Variants in RASSF3 observed in about 807,000 individuals in gnomAD.
The protein encoded by RASSF3 is Ras association domain family member 3.
RASSF3 carries 19 observed loss-of-function variants against 19.9 expected under a neutral mutation model. That is an observed-to-expected ratio of 0.96 (90% CI 0.67 to 1.40). The LOEUF is 1.40. Among genes scored for constraint, RASSF3 ranks in the 40% most tolerant of loss-of-function variants. RASSF3 has a pLI of 0.00. For missense variants in RASSF3, 306 were observed against 289.8 expected, an observed-to-expected ratio of 1.06 and a Z score of -0.41; for synonymous variants, 110 against 104.2, an observed-to-expected ratio of 1.06 and a Z score of -0.34.
intron 2 of RASSF3, among the ~76,000 whole-genome samples, chr12:64,557,231 G>A (rs1000675865): frequency 6.6e-6 from 1 of 152,112 alleles, no homozygotes; most frequent in African/African-American, 2.4e-5. Context: ...TCACTCCTAA[G>A]AGCCTGAGTT....
downstream of RASSF3, among the ~76,000 whole-genome samples, chr12:64,544,556 G>A (rs1241517432): frequency 3.3e-5 from 5 of 151,916 alleles, no homozygotes; most frequent in Non-Finnish European, 4.4e-5. Flanking sequence ...GGTTAAGGCT[G>A]CAGTGAGCTG....
intron 1 of RASSF3, among the ~76,000 whole-genome samples, chr12:64,646,634 T>G (rs1871744111): frequency 6.6e-6 from 1 of 152,204 alleles, no homozygotes; most frequent in African/African-American, 2.4e-5. Context: ...CTAATTATGC[T>G]TATGTTCTTC....
chr12:64,680,843 C>G (rs187927319), intron 1 of RASSF3, among the ~76,000 whole-genome samples: 367 of 152,208 alleles, frequency 2.4e-3, no homozygotes, highest in African/African-American at 8.2e-3. Flanking sequence ...AACTCCTGAT[C>G]TCAGGTGATC....
In RASSF3 at chr12:64,631,055, A is replaced by G. The variant is rs1349259570; in HGVS notation, c.111+20312A>G. On this transcript the variant is annotated intron_variant, in intron 1 of 4. Transcript: ENST00000542104. ...GAGAGCTTCAGGATTCGTTGAAGTC[A>G]TGGGCTTAGATGAACTATGTGTGTA... Among the ~76,000 whole-genome samples, 8 of 152,292 alleles carry G rather than the reference A, an allele frequency of 5.3e-5. 2 individuals carry two copies. The highest frequency in any genetic ancestry group is 5.2e-4 in the Admixed American group (8 of 15,294).
chr12:64,569,548 G>A (rs1869484476), intron 2 of RASSF3, among the ~76,000 whole-genome samples: 1 of 152,354 alleles, frequency 6.6e-6, no homozygotes, highest in Non-Finnish European at 1.5e-5. Context: ...GGTGACCAGA[G>A]GTGATTTTTA....
At chr12:64,523,650 A>G (rs952996651) in intron 1 of RASSF3, among the ~76,000 whole-genome samples, 1 of 152,016 alleles carries the variant, frequency 6.6e-6, no homozygotes, top group Non-Finnish European at 1.5e-5. Context: ...TCCTCCTGTA[A>G]CTGGAGGAAA....
chr12:64,629,961 C>CAAAAAAAAAAAAAAA (rs34700817), intron 1 of RASSF3: 6 of 59,308 alleles, frequency 1.0e-4, no homozygotes, highest in Non-Finnish European at 1.5e-4. Flanking sequence ...GACTCCATCT[C>CAAAAAAAAAAAAAAA]AAAAAAAAAA....
chr12:64,678,796 A>G (rs550446632), intron 1 of RASSF3, among the ~76,000 whole-genome samples: 150 of 152,258 alleles, frequency 9.9e-4, no homozygotes, highest in African/African-American at 3.3e-3. Context: ...TGGCACCAAT[A>G]GGCACTCAAT....
At chr12:64,641,785 C>T (rs972735032) in intron 1 of RASSF3, among the ~76,000 whole-genome samples, 3 of 151,854 alleles carry the variant, frequency 2.0e-5, no homozygotes, top group African/African-American at 7.3e-5. Context: ...CCTTGTTGCC[C>T]AGGCTAGAGT....
intron 2 of RASSF3, among the ~76,000 whole-genome samples, chr12:64,577,903 C>A (rs1341527942): frequency 6.6e-6 from 1 of 151,770 alleles, no homozygotes; most frequent in Non-Finnish European, 1.5e-5. Context: ...CTTCAAGGAA[C>A]TTACAGTAGG....
intron 1 of RASSF3, among the ~76,000 whole-genome samples, chr12:64,636,080 A>G (rs1431282846): frequency 6.6e-6 from 1 of 151,920 alleles, no homozygotes; most frequent in Non-Finnish European, 1.5e-5. Context: ...TCACAATTCC[A>G]AAGAAGTTGG....
chr12:64,646,902 A>G (rs1871754948), intron 1 of RASSF3, among the ~76,000 whole-genome samples: 1 of 152,182 alleles, frequency 6.6e-6, no homozygotes, highest in African/African-American at 2.4e-5. Context: ...TCCTTAGTTC[A>G]TTTACTTTCT....
At chr12:64,544,481 G>C (rs1006584618), downstream of RASSF3, among the ~76,000 whole-genome samples, 43 of 152,198 alleles carry the variant, frequency 2.8e-4, no homozygotes, top group Non-Finnish European at 1.0e-4. Flanking sequence ...TCCAGACACA[G>C]TGGTGCACGC....
intron 1 of RASSF3, among the ~76,000 whole-genome samples, chr12:64,535,995 C>CTTTTT (rs11312626): frequency 2.9e-5 from 3 of 104,500 alleles, no homozygotes; most frequent in Admixed American, 1.1e-4. Flanking sequence ...CCTGTTTTCA[C>CTTTTT]TTTTTTTTTT....
At chr12:64,646,112 ATTAT>A (rs146785420) in intron 1 of RASSF3, among the ~76,000 whole-genome samples, 9,804 of 152,270 alleles carry the variant, frequency 0.064, 375 homozygotes, top group Non-Finnish European at 0.09. Context: ...TGAATATATC[ATTAT>A]TTATCCATTC....
chr12:64,609,052 CG>C (rs1241248442), upstream of RASSF3, among the ~76,000 whole-genome samples: 1 of 152,060 alleles, frequency 6.6e-6, no homozygotes, highest in African/African-American at 2.4e-5. Context: ...TGTGTAAGCC[CG>C]AAGGTGGAGC....
chr12:64,624,570 T>G (rs1377715184), intron 1 of RASSF3, among the ~76,000 whole-genome samples: 1 of 151,930 alleles, frequency 6.6e-6, no homozygotes, highest in East Asian at 1.9e-4. Context: ...CCATCACGCC[T>G]GGCAAATCGT....
In RASSF3 at chr12:64,684,748, A is replaced by G. The variant is rs763808352; in HGVS notation, c.112-39A>G. ...GCCCGGCCTATCCGCACTTTTTTTTATGATTGCTCACATGTGACATGTCTT... is the reference window on the plus strand; with the variant it reads ...GCCCGGCCTATCCGCACTTTTTTTTGTGATTGCTCACATGTGACATGTCTT... On this transcript the variant is annotated intron_variant, in intron 1 of 4. Coordinates refer to ENST00000542104, the MANE Select transcript of RASSF3 (RefSeq NM_178169.4). The G allele has an allele frequency of 2.1e-6, 3 of 1,438,096 alleles. No individual in the cohort carries two copies. In the South Asian group the frequency reaches 3.4e-5, roughly 16 times the overall value. 89.1% of individuals were successfully genotyped at this position (1,438,096 alleles called of 1,614,324 possible).
chr12:64,680,656 C>G (rs1358288337), intron 1 of RASSF3, among the ~76,000 whole-genome samples: 1 of 152,070 alleles, frequency 6.6e-6, no homozygotes, highest in Non-Finnish European at 1.5e-5. Context: ...CTCTGTCGCC[C>G]AGGCTGGAGT....
Sources: allele counts gnomAD v4.1 joint callset (sites outside exome capture counted in the v4.1 genomes callset), GRCh38; gene constraint gnomAD v4.1.1; transcripts MANE v1.5; gene names NCBI Gene and HGNC (gene_info 2026-07-23, HGNC 2026-07-21).